CNTN5: variants seen among roughly 807,000 people sequenced by gnomAD.
CNTN5 encodes contactin-5.
In CNTN5, 77 loss-of-function variants were observed where a neutral mutation model predicts 129.1. The observed-to-expected ratio is 0.60, with a 90% confidence interval of 0.50 to 0.72. CNTN5 has a LOEUF of 0.72. Among genes scored for constraint, CNTN5 ranks in the 30% least tolerant of loss-of-function variants. The probability of loss-of-function intolerance (pLI) is 0.00; values close to 1 mark genes in which losing one functional copy is unlikely to be tolerated. For missense variants in CNTN5, 1,478 were observed against 1,328.8 expected (o/e 1.11, Z -1.75); for synonymous variants, 509 against 465.6 (o/e 1.09, Z -1.20).
At chr11:99,361,323 A>C (rs1834214962) in intron 2 of CNTN5, among the ~76,000 whole-genome samples, 1 of 152,146 alleles carries the variant, frequency 6.6e-6, no homozygotes, top group African/African-American at 2.4e-5. Context: ...TTGTTATAGC[A>C]ACCAAAATGG....
At chr11:99,385,383 A>C (rs1457864914) in intron 2 of CNTN5, among the ~76,000 whole-genome samples, 2 of 152,140 alleles carry the variant, frequency 1.3e-5, no homozygotes, top group Non-Finnish European at 2.9e-5. Context: ...TTGGACTTGA[A>C]CTGGATTGAA....
intron 1 of CNTN5, among the ~76,000 whole-genome samples, chr11:99,243,988 T>C (rs1299911646): frequency 6.6e-6 from 1 of 152,144 alleles, no homozygotes; most frequent in Non-Finnish European, 1.5e-5. Flanking sequence ...ATAATTTTTC[T>C]AGTTCTTTGA....
At chr11:99,730,218 G>T (rs76999554) in intron 3 of CNTN5, among the ~76,000 whole-genome samples, 1 of 152,124 alleles carries the variant, frequency 6.6e-6, no homozygotes, top group African/African-American at 2.4e-5. Context: ...TTCCCTAGAA[G>T]GAGGCAGAAT....
chr11:100,058,194 G>A (rs1216310261), intron 9 of CNTN5, among the ~76,000 whole-genome samples: 2 of 152,062 alleles, frequency 1.3e-5, no homozygotes, highest in Non-Finnish European at 2.9e-5. Context: ...GTTGGCATAA[G>A]CAGAAATTTA....
chr11:99,914,808 G>A lies in CNTN5; in HGVS notation c.578-1246G>A, dbSNP rs185923978. On this transcript the variant is annotated intron_variant, in intron 6 of 24. Transcript: ENST00000524871. ...CCCCCATGATTTTGGATGTGTTTAA[G>A]AAGATTTGGTTATACATTCAGCAAA... Among the ~76,000 whole-genome samples, 157 of 152,144 alleles carry A rather than the reference G, an allele frequency of 1.0e-3. 2 individuals are homozygous for A. The highest frequency in any genetic ancestry group is 3.1e-3 in the African/African-American group (129 of 41,540).
intron 1 of CNTN5, among the ~76,000 whole-genome samples, chr11:99,215,955 A>C: frequency 6.6e-6 from 1 of 152,220 alleles, no homozygotes; most frequent in South Asian, 2.1e-4. Flanking sequence ...ATACAGGAAC[A>C]CACTGTGTAA....
intron 2 of CNTN5, among the ~76,000 whole-genome samples, chr11:99,328,118 C>G (rs1865857146): frequency 6.6e-6 from 1 of 152,152 alleles, no homozygotes; most frequent in African/African-American, 2.4e-5. Flanking sequence ...ATCTTTAAAG[C>G]TCTTGACAAT....
intron 13 of CNTN5, among the ~76,000 whole-genome samples, chr11:100,162,162 A>T (rs998477448): frequency 7.9e-5 from 12 of 151,800 alleles, no homozygotes; most frequent in African/African-American, 2.4e-4. Context: ...CAACATCCAG[A>T]CAGTGAAAGT....
chr11:100,347,485 T>G (rs1259618743), intron 23 of CNTN5, among the ~76,000 whole-genome samples: 2 of 152,064 alleles, frequency 1.3e-5, no homozygotes, highest in Admixed American at 6.6e-5. Flanking sequence ...ATGCCTGAAA[T>G]TTCTCAGAAT....
At chr11:99,136,242 C>T (rs1268822084) in intron 1 of CNTN5, among the ~76,000 whole-genome samples, 6 of 151,998 alleles carry the variant, frequency 3.9e-5, no homozygotes, top group Non-Finnish European at 8.8e-5. Context: ...TGCGAAAACC[C>T]TCCTCACCCT....
intron 3 of CNTN5, among the ~76,000 whole-genome samples, chr11:99,816,839 A>G (rs1946603463): frequency 6.6e-6 from 1 of 151,968 alleles, no homozygotes; most frequent in Non-Finnish European, 1.5e-5. Flanking sequence ...CTGCGCTCCT[A>G]TTTTAATCCA....
chr11:99,548,278 T>C (rs958185032), intron 2 of CNTN5, among the ~76,000 whole-genome samples: 3 of 152,216 alleles, frequency 2.0e-5, no homozygotes, highest in Non-Finnish European at 2.9e-5. Context: ...CTTAGACAAG[T>C]TAAATTTCAC....
chr11:99,434,911 T>C (rs1168795394), intron 2 of CNTN5, among the ~76,000 whole-genome samples: 1 of 152,110 alleles, frequency 6.6e-6, no homozygotes, highest in Non-Finnish European at 1.5e-5. Flanking sequence ...TAATCAAGAG[T>C]ATTTGGTACG....
chr11:99,837,428 A>T (rs1272556930), intron 4 of CNTN5, among the ~76,000 whole-genome samples: 2 of 152,154 alleles, frequency 1.3e-5, no homozygotes, highest in Non-Finnish European at 2.9e-5. Flanking sequence ...CAGTTGATCT[A>T]ATATCTTTGA....
At chr11:100,186,101 T>C (rs1006332054) in intron 13 of CNTN5, among the ~76,000 whole-genome samples, 1 of 152,160 alleles carries the variant, frequency 6.6e-6, no homozygotes, top group African/African-American at 2.4e-5. Context: ...GGCTCATGCC[T>C]GTAATCCCAG....
At chr11:99,365,548 A>ATTGAT (rs1555122129) in intron 2 of CNTN5, among the ~76,000 whole-genome samples, 2 of 152,184 alleles carry the variant, frequency 1.3e-5, no homozygotes, top group Non-Finnish European at 2.9e-5. Flanking sequence ...GATCTGGCCA[A>ATTGAT]TTCATTTCAT....
intron 2 of CNTN5, among the ~76,000 whole-genome samples, chr11:99,388,336 A>G (rs934929812): frequency 6.7e-6 from 1 of 149,886 alleles, no homozygotes; most frequent in African/African-American, 2.5e-5. Flanking sequence ...AATTGTTTGA[A>G]CCAAGGAAGC....
chr11:99,201,681 G>C (rs1251544270), intron 1 of CNTN5, among the ~76,000 whole-genome samples: 1 of 152,094 alleles, frequency 6.6e-6, no homozygotes, highest in Non-Finnish European at 1.5e-5. Context: ...GATGGCAAAA[G>C]TTTAGTCAGT....
In CNTN5 at chr11:99,552,016, T is replaced by C. The variant is rs1384737565; in HGVS notation, c.-70-4129T>C. The stretch of plus-strand genomic sequence containing the variant: ...TCTGTCTCCCTGGTTCAAGTGATTC[T>C]CATGTCTCAGCCTCTCAAGTAACTG... On this transcript the variant is annotated intron_variant, in intron 2 of 24. Coordinates refer to ENST00000524871, the MANE Select transcript of CNTN5 (RefSeq NM_014361.4). Among the ~76,000 whole-genome samples, 3 of 151,608 alleles carry C rather than the reference T, an allele frequency of 2.0e-5. No individual in the cohort carries two copies. In the East Asian group the frequency reaches 5.8e-4, roughly 30 times the overall value.
Sources: allele counts gnomAD v4.1 joint callset (sites outside exome capture counted in the v4.1 genomes callset), GRCh38; gene constraint gnomAD v4.1.1; transcripts MANE v1.5; gene names NCBI Gene and HGNC (gene_info 2026-07-23, HGNC 2026-07-21).